The following GDPD4 variants were observed in gnomAD, a reference collection of about 807,000 sequenced individuals.
GDPD4 encodes the protein glycerophosphodiester phosphodiesterase domain containing 4, also known as glycerophosphodiester phosphodiesterase 6.
Under a neutral mutation model 67.8 loss-of-function variants are expected in GDPD4, and 60 were observed. The observed-to-expected ratio is 0.88, with a 90% confidence interval of 0.72 to 1.10. The LOEUF is 1.10. GDPD4 is among the 50% of genes least tolerant of loss of function. The pLI is 0.00. For synonymous variants in GDPD4, 212 were observed against 210.9 expected, an observed-to-expected ratio of 1.00 and a Z score of -0.04; for missense variants, 623 against 613.9, an observed-to-expected ratio of 1.01 and a Z score of -0.16.
At position 77,245,516 on chromosome 11, in the gene GDPD4, C is replaced by T. The variant is rs751365584; in HGVS notation, c.865-14G>A. 6 of 1,589,420 alleles carry T rather than the reference C, an allele frequency of 3.8e-6. No individual in the cohort carries two copies. The highest frequency in any genetic ancestry group is 4.3e-6 in the Non-Finnish European group (5 of 1,159,054). ...AAATGGCCTGAGCTAGAAACAAATA[C>T]ATCAAAAAATACATAAAAGCACTTT... is the stretch of plus-strand genomic sequence containing the variant. On this transcript the variant is annotated splice_polypyrimidine_tract_variant and intron_variant, in intron 11 of 16. Transcript: ENST00000315938.
intron 10 of GDPD4, among the ~76,000 whole-genome samples, chr11:77,259,648 G>A (rs74521958): frequency 0.024 from 3,671 of 152,056 alleles, 163 homozygotes; most frequent in African/African-American, 0.084. Flanking sequence ...AGTACAGGGT[G>A]GGGGAACCTA....
At chr11:77,285,384 G>T (rs1168119766) in intron 2 of GDPD4, among the ~76,000 whole-genome samples, 197 bp from the exon 3 acceptor site, 1 of 152,012 alleles carries the variant, frequency 6.6e-6, no homozygotes, top group East Asian at 1.9e-4. Flanking sequence ...CACTTAACTG[G>T]AATTATGCAT....
At chr11:77,221,697 A>T (rs1444573680) in intron 16 of GDPD4, among the ~76,000 whole-genome samples, 1 of 152,132 alleles carries the variant, frequency 6.6e-6, no homozygotes, top group African/African-American at 2.4e-5. Context: ...GCTGAGAAGA[A>T]TGTATATTCT....
In GDPD4 at chr11:77,225,414, TAA is replaced by T. The variant is rs1211051649; in HGVS notation, c.1525+2448_1525+2449del. Among the ~76,000 whole-genome samples the T allele has an allele frequency of 3.1e-4, 47 of 151,552 alleles. No individual in the cohort carries two copies. In the East Asian group the frequency reaches 6.4e-3, roughly 21 times the overall value. The stretch of plus-strand genomic sequence containing the variant: ...AGAGGCAGAAAAATATTTGAAGAAA[TAA>T]AGACTAAAATTATGTCCAATTTGAT... On this transcript the variant is annotated intron_variant, in intron 16 of 16. Coordinates refer to ENST00000315938, the MANE Select transcript of GDPD4 (RefSeq NM_182833.3).
chr11:77,217,274 T>C lies in GDPD4; in HGVS notation c.*3A>G. 6.2e-7 allele frequency: 1 copy of C among 1,603,510 alleles called. No individual in the cohort carries two copies. The highest frequency in any genetic ancestry group is 8.5e-7 in the Non-Finnish European group (1 of 1,170,400). ...TTTCATGGCTATGTGCAAATCTATC[T>C]ATCTATCTATCTTCCTCATTCTTAC... On this transcript the variant is annotated 3_prime_UTR_variant, in exon 17 of 17. Coordinates refer to ENST00000315938, the MANE Select transcript of GDPD4 (RefSeq NM_182833.3).
chr11:77,275,588 C>A (rs1282072976), intron 5 of GDPD4, among the ~76,000 whole-genome samples: 1 of 152,038 alleles, frequency 6.6e-6, no homozygotes, highest in Non-Finnish European at 1.5e-5. Context: ...GAAATGAACC[C>A]CTGATTCCCT....
intron 13 of GDPD4, among the ~76,000 whole-genome samples, chr11:77,235,055 C>T (rs1958534924): frequency 2.5e-5 from 2 of 79,116 alleles, no homozygotes; most frequent in Non-Finnish European, 2.7e-5. Context: ...TAGTAATAGC[C>T]ATTCTGACTG....
intron 13 of GDPD4, among the ~76,000 whole-genome samples, chr11:77,238,287 T>A (rs1958600087): frequency 6.6e-6 from 1 of 152,172 alleles, no homozygotes; most frequent in Non-Finnish European, 1.5e-5. Context: ...TTGTTCACTT[T>A]AAAATTTTAT....
rs568534768 is a variant in GDPD4, at chr11:77,292,487, C to A, written c.-253-5067G>T. On this transcript the variant is annotated intron_variant, in intron 1 of 16. Coordinates refer to ENST00000315938, the MANE Select transcript of GDPD4 (RefSeq NM_182833.3). The stretch of plus-strand genomic sequence containing the variant: ...AGATTGATATTTATAATGCTAAATG[C>A]CCGTACTAGAAAAGAACAAAGATCT... Among the ~76,000 whole-genome samples the A allele has an allele frequency of 8.5e-5, 13 of 152,098 alleles. No homozygotes were observed. In the South Asian group the frequency reaches 2.5e-3, roughly 29 times the overall value.
intron 5 of GDPD4, among the ~76,000 whole-genome samples, chr11:77,275,596 C>T (rs1959423349): frequency 6.6e-6 from 1 of 152,114 alleles, no homozygotes; most frequent in African/African-American, 2.4e-5. Flanking sequence ...CCCCTGATTC[C>T]CTTTCTCCCC....
intron 1 of GDPD4, among the ~76,000 whole-genome samples, chr11:77,292,620 G>GA (rs1235071670): frequency 3.3e-5 from 5 of 151,766 alleles, no homozygotes; most frequent in East Asian, 1.9e-4. Context: ...TAATTAAATA[G>GA]AAAAAATAGG....
chr11:77,235,524 T>C (rs1958546192), intron 13 of GDPD4, among the ~76,000 whole-genome samples: 1 of 152,202 alleles, frequency 6.6e-6, no homozygotes, highest in African/African-American at 2.4e-5. Flanking sequence ...AATAGATCCA[T>C]ACAAATGTGA....
chr11:77,238,848 G>A lies in GDPD4; in HGVS notation c.1241+4846C>T, dbSNP rs115760038. Among the ~76,000 whole-genome samples, 402 of 151,976 alleles carry A rather than the reference G, an allele frequency of 2.6e-3. 5 individuals are homozygous for A. The highest frequency in any genetic ancestry group is 9.4e-3 in the African/African-American group (389 of 41,418). ...AATAATTCCAAACTCATTTTACTAG[G>A]CCAGCATTACCTTGATACCAAAGCA... is the stretch of plus-strand genomic sequence containing the variant. On this transcript the variant is annotated intron_variant, in intron 13 of 16. Transcript: ENST00000315938.
intron 1 of GDPD4, among the ~76,000 whole-genome samples, chr11:77,301,133 G>A (rs1938145624): frequency 6.6e-6 from 1 of 152,156 alleles, no homozygotes; most frequent in Non-Finnish European, 1.5e-5. Context: ...CCTTCCCAGA[G>A]CTCTTCTCTG....
At chr11:77,288,490 G>A (rs1032282700) in intron 1 of GDPD4, among the ~76,000 whole-genome samples, 2 of 152,148 alleles carry the variant, frequency 1.3e-5, no homozygotes, top group Non-Finnish European at 2.9e-5. Context: ...TCTCACCACA[G>A]CCTGTGCTAA....
chr11:77,295,037 C>T (rs569998979), intron 1 of GDPD4, among the ~76,000 whole-genome samples: 1 of 141,766 alleles, frequency 7.1e-6, no homozygotes, highest in East Asian at 2.2e-4. Flanking sequence ...AAGGCGATCT[C>T]AGCTCACTAC....
chr11:77,234,199 C>G (rs538648903), intron 13 of GDPD4, among the ~76,000 whole-genome samples: 4 of 152,154 alleles, frequency 2.6e-5, no homozygotes, highest in African/African-American at 9.7e-5. Context: ...GCCTCCTTAA[C>G]AGAGGTGCTA....
Position 77,243,537 on chromosome 11 carries a change from G to GAGGGAGGA in GDPD4, c.1241+149_1241+156dup, listed in dbSNP as rs1413852560. 1.9e-3 allele frequency among the ~76,000 whole-genome samples: 262 copies of GAGGGAGGA among 137,188 alleles called. 2 individuals carry two copies. The highest frequency in any genetic ancestry group is 6.1e-3 in the African/African-American group (234 of 38,070). The allele number at this position is 137,188 out of a possible 152,430, so 90.0% of individuals were successfully genotyped here. Reference sequence around the variant, plus strand: ...TGGCACAGGGAGGGAGGGAGGGAGGGAGGGAGGAAGGGGTAGGAAAAAGAA... The same window carrying GAGGGAGGA: ...TGGCACAGGGAGGGAGGGAGGGAGGGAGGGAGGAAGGGAGGAAGGGGTAGGAAAAAGAA... On this transcript the variant is annotated intron_variant, in intron 13 of 16. Coordinates refer to ENST00000315938, the MANE Select transcript of GDPD4 (RefSeq NM_182833.3).
At chr11:77,231,932 C>A (rs562909711) in intron 14 of GDPD4, among the ~76,000 whole-genome samples, 1 of 152,160 alleles carries the variant, frequency 6.6e-6, no homozygotes, top group Non-Finnish European at 1.5e-5. Flanking sequence ...AAGAAGTCAG[C>A]GATTTCTCCT....
Sources: allele counts gnomAD v4.1 joint callset (sites outside exome capture counted in the v4.1 genomes callset), GRCh38; gene constraint gnomAD v4.1.1; transcripts MANE v1.5; gene names NCBI Gene and HGNC (gene_info 2026-07-23, HGNC 2026-07-21).